ATRNL1: variants seen among roughly 807,000 people sequenced by gnomAD.
ATRNL1 encodes attractin like 1, also known as attractin-like protein 1.
In ATRNL1, 95 loss-of-function variants were observed where a neutral mutation model predicts 182.7. The ratio of observed to expected loss-of-function variants is 0.52; its 90% CI spans 0.44 to 0.62. ATRNL1 has a LOEUF of 0.62. Ranked by LOEUF, ATRNL1 falls within the 20% of genes least tolerant of loss-of-function variation. The probability of loss-of-function intolerance (pLI) is 0.00; values close to 1 mark genes in which losing one functional copy is unlikely to be tolerated. For synonymous variants in ATRNL1, 576 were observed against 568.3 expected, an observed-to-expected ratio of 1.01 and a Z score of -0.19; for missense variants, 1,471 against 1,679.5, an observed-to-expected ratio of 0.88 and a Z score of 2.17.
rs78274098 is a variant in ATRNL1, at chr10:115,870,508, T to C, written c.4018+22517T>C. 4.3e-4 allele frequency among the ~76,000 whole-genome samples: 65 copies of C among 152,314 alleles called. No homozygotes were observed. The East Asian group carries it at 0.012, about 28-fold the overall frequency. Reference sequence around the variant, plus strand: ...ACCTGCATCCTAAAAGCATTTGAGGTAAGCACTGGTTATCTGGGACCCAAC... The same window carrying C: ...ACCTGCATCCTAAAAGCATTTGAGGCAAGCACTGGTTATCTGGGACCCAAC... On this transcript the variant is annotated intron_variant, in intron 28 of 28. Coordinates refer to ENST00000355044, the MANE Select transcript of ATRNL1 (RefSeq NM_207303.4).
chr10:115,914,806 C>A (rs1375465620), intron 28 of ATRNL1, among the ~76,000 whole-genome samples: 2 of 152,208 alleles, frequency 1.3e-5, no homozygotes, highest in African/African-American at 4.8e-5. Flanking sequence ...ATTCACACTT[C>A]TACTGTGCCC....
intron 26 of ATRNL1, among the ~76,000 whole-genome samples, chr10:115,663,425 G>A (rs1860813390): frequency 6.6e-6 from 1 of 151,972 alleles, no homozygotes; most frequent in South Asian, 2.1e-4. Flanking sequence ...TATCTTAAAT[G>A]CATTAAAAGA....
At chr10:115,807,862 G>A (rs1288926071) in intron 27 of ATRNL1, among the ~76,000 whole-genome samples, 1 of 152,122 alleles carries the variant, frequency 6.6e-6, no homozygotes, top group Non-Finnish European at 1.5e-5. Context: ...TTTATTATGT[G>A]TTTATGTGCT....
intron 5 of ATRNL1, 42 bp from the exon 6 acceptor site, chr10:115,159,998 C>A: frequency 1.4e-6 from 2 of 1,408,742 alleles, no homozygotes; most frequent in Non-Finnish European, 1.9e-6. Context: ...AATCTGAGGG[C>A]TTTGTTTAAT....
In ATRNL1 at chr10:115,547,025, C is replaced by G. The variant is rs192287523; in HGVS notation, c.3717-2433C>G. ...TTTCAGCACTTTGGAAGGCCGAGGC[C>G]GGCAGATCACCTGAGGTCATGAGTT... On this transcript the variant is annotated intron_variant, in intron 25 of 28. Transcript: ENST00000355044. 2.0e-5 allele frequency among the ~76,000 whole-genome samples: 3 copies of G among 151,782 alleles called. No individual in the cohort carries two copies. The East Asian group carries it at 5.8e-4, about 29-fold the overall frequency.
chr10:115,909,124 T>C (rs1952589893), intron 28 of ATRNL1, among the ~76,000 whole-genome samples: 1 of 152,130 alleles, frequency 6.6e-6, no homozygotes, highest in Non-Finnish European at 1.5e-5. Flanking sequence ...TACACAGCTG[T>C]AGTGAACTTG....
At chr10:115,789,313 A>T (rs1949470709) in intron 27 of ATRNL1, among the ~76,000 whole-genome samples, 2 of 152,238 alleles carry the variant, frequency 1.3e-5, no homozygotes, top group Admixed American at 1.3e-4. Flanking sequence ...GCTCTCAAGT[A>T]ACAAGAAAAT....
At position 115,737,095 on chromosome 10, in the gene ATRNL1, T is replaced by C. The variant is rs75220767; in HGVS notation, c.3903+9740T>C. Among the ~76,000 whole-genome samples the C allele has an allele frequency of 2.9e-3, 447 of 152,148 alleles. 2 individuals are homozygous for C. The highest frequency in any genetic ancestry group is 0.01 in the African/African-American group (420 of 41,506). The stretch of plus-strand genomic sequence containing the variant: ...GTTTTATCTGGTTGCCTTGGAGCAT[T>C]CCCTTACTGGCTGCATTCTCAGCAA... On this transcript the variant is annotated intron_variant, in intron 27 of 28. Transcript: ENST00000355044.
At chr10:115,469,878 G>T (rs1848223850) in intron 24 of ATRNL1, among the ~76,000 whole-genome samples, 1 of 150,476 alleles carries the variant, frequency 6.6e-6, no homozygotes, top group Non-Finnish European at 1.5e-5. Flanking sequence ...TTCTAGGAAA[G>T]AATTGGAATA....
intron 27 of ATRNL1, among the ~76,000 whole-genome samples, chr10:115,801,196 G>A (rs1273557493): frequency 8.5e-5 from 13 of 152,132 alleles, no homozygotes; most frequent in Non-Finnish European, 8.8e-5. Context: ...TCAGACCTCT[G>A]ATAATGGTAT....
chr10:115,648,633 C>T (rs1204945560), intron 26 of ATRNL1, among the ~76,000 whole-genome samples: 1 of 152,068 alleles, frequency 6.6e-6, no homozygotes, highest in Non-Finnish European at 1.5e-5. Context: ...TGGAACAGAG[C>T]CCTCAGAGAT....
chr10:115,104,187 A>C (rs568516223), intron 1 of ATRNL1, among the ~76,000 whole-genome samples: 2 of 152,180 alleles, frequency 1.3e-5, no homozygotes, highest in Non-Finnish European at 2.9e-5. Context: ...CCTTTTCTCT[A>C]TATCCTTGCC....
chr10:115,838,667 T>C (rs878709), intron 27 of ATRNL1, among the ~76,000 whole-genome samples: 15,855 of 152,176 alleles, frequency 0.1, 2,584 homozygotes, highest in African/African-American at 0.35. Flanking sequence ...TATGTGTCTT[T>C]AGCATTCTGT....
intron 9 of ATRNL1, among the ~76,000 whole-genome samples, chr10:115,228,769 T>TC (rs565494150): frequency 1.2e-3 from 178 of 149,294 alleles, no homozygotes; most frequent in African/African-American, 4.0e-3. Flanking sequence ...TTTCTTTCTT[T>TC]TTTTTTTTTT....
At chr10:115,865,394 G>A (rs1429958041) in intron 28 of ATRNL1, among the ~76,000 whole-genome samples, 2 of 152,070 alleles carry the variant, frequency 1.3e-5, no homozygotes, top group Admixed American at 6.6e-5. Context: ...TATTTTGTCA[G>A]GACTCTTTTA....
chr10:115,579,037 A>C (rs555602547), intron 26 of ATRNL1, among the ~76,000 whole-genome samples: 7 of 119,336 alleles, frequency 5.9e-5, no homozygotes, highest in Non-Finnish European at 1.3e-4. Context: ...ATTGATTTCT[A>C]TTTTCATACC....
intron 24 of ATRNL1, among the ~76,000 whole-genome samples, chr10:115,477,576 T>G (rs1272093059): frequency 6.6e-6 from 1 of 151,562 alleles, no homozygotes; most frequent in Non-Finnish European, 1.5e-5. Context: ...TCCTGGGAAG[T>G]AGTTTTTTGG....
intron 27 of ATRNL1, among the ~76,000 whole-genome samples, chr10:115,834,795 T>C (rs1419021521): frequency 6.6e-6 from 1 of 152,198 alleles, no homozygotes; most frequent in African/African-American, 2.4e-5. Context: ...CTGCTGTGTA[T>C]TTTCTTGCCT....
rs141426680 is a variant in ATRNL1 at position 115,163,196 on chromosome 10, A to G, written c.1005-2362A>G. Among the ~76,000 whole-genome samples, 15 of 151,998 alleles carry G rather than the reference A, an allele frequency of 9.9e-5. No individual in the cohort carries two copies. The East Asian group carries it at 2.7e-3, about 27-fold the overall frequency. On this transcript the variant is annotated intron_variant, in intron 6 of 28. Transcript: ENST00000355044. ...AGGAAAGAGATCTCGTGTGCAAGGA[A>G]GAAGAATCACTTGTTATTCTTCGGC...
Sources: allele counts gnomAD v4.1 joint callset (sites outside exome capture counted in the v4.1 genomes callset), GRCh38; gene constraint gnomAD v4.1.1; transcripts MANE v1.5; gene names NCBI Gene and HGNC (gene_info 2026-07-23, HGNC 2026-07-21).